Variants in EIF4E observed in about 807,000 individuals in gnomAD.
EIF4E encodes eukaryotic translation initiation factor 4E.
For synonymous variants in EIF4E, 71 were observed against 88.5 expected, an observed-to-expected ratio of 0.80 and a Z score of 1.11; for missense variants, 113 against 265.6, an observed-to-expected ratio of 0.43 and a Z score of 3.99.
chr4:98,927,037 T>G (rs1279370702), intron 1 of EIF4E, among the ~76,000 whole-genome samples: 1 of 152,152 alleles, frequency 6.6e-6, no homozygotes, highest in Non-Finnish European at 1.5e-5. Flanking sequence ...TTACTGACAC[T>G]AGTGTAGTGG....
intron 1 of EIF4E, among the ~76,000 whole-genome samples, chr4:98,911,325 G>T (rs1056388599): frequency 6.7e-6 from 1 of 149,610 alleles, no homozygotes; most frequent in Non-Finnish European, 1.5e-5. Context: ...TGGGATTACA[G>T]GTGTGAGCCA....
At chr4:98,904,323 TTCTC>T (rs143113463) in intron 1 of EIF4E, among the ~76,000 whole-genome samples, 7 of 151,826 alleles carry the variant, frequency 4.6e-5, no homozygotes, top group South Asian at 2.1e-4. Context: ...ACAATCCTCT[TTCTC>T]TCTCTCTCTC....
At chr4:98,886,567 T>C (rs753624590) in intron 5 of EIF4E, 8 of 405,468 alleles carry the variant, frequency 2.0e-5, no homozygotes, top group Non-Finnish European at 3.9e-5. Context: ...ATTAGAAAAT[T>C]AGCTGGGCAT....
intron 1 of EIF4E, among the ~76,000 whole-genome samples, chr4:98,911,151 G>GC (rs772524128): frequency 2.0e-5 from 3 of 151,702 alleles, no homozygotes; most frequent in Non-Finnish European, 4.4e-5. Context: ...CTGGGTTCAA[G>GC]CAGTTCTCTA....
At chr4:98,911,261 A>C (rs1371747105) in intron 1 of EIF4E, among the ~76,000 whole-genome samples, 2 of 148,902 alleles carry the variant, frequency 1.3e-5, no homozygotes, top group South Asian at 4.3e-4. Flanking sequence ...TCTTGGCCAG[A>C]CTGGTCTTGA....
Position 98,887,976 on chromosome 4 carries a change from A to T in EIF4E, c.222-24T>A. ...GACTAGGTAAAAGAAAATAACAATT[A>T]AAAACACAGAATATGTAATATAGAG... On this transcript the variant is annotated intron_variant, in intron 3 of 6. Transcript: ENST00000450253. The surrounding 1 kb of genome is among the most constrained non-coding windows in gnomAD (Gnocchi z 4.0). 1 of 1,582,774 alleles carries T rather than the reference A, an allele frequency of 6.3e-7. No homozygotes were observed. Among genetic ancestry groups the T allele is most frequent in the South Asian group, 1.1e-5 (1 of 89,976 alleles).
At chr4:98,919,048 C>A (rs1195988930) in intron 1 of EIF4E, among the ~76,000 whole-genome samples, 1 of 152,134 alleles carries the variant, frequency 6.6e-6, no homozygotes, top group Non-Finnish European at 1.5e-5. Flanking sequence ...GTGGCTCATG[C>A]CTGTAATCCC....
intron 2 of EIF4E, among the ~76,000 whole-genome samples, chr4:98,891,855 AAAT>A: frequency 6.6e-6 from 1 of 152,248 alleles, no homozygotes; most frequent in East Asian, 1.9e-4. Flanking sequence ...TTACAGTGGC[AAAT>A]AATGAGAGTT....
chr4:98,885,370 GAAT>G (rs1560633625), intron 5 of EIF4E, among the ~76,000 whole-genome samples: 1 of 152,136 alleles, frequency 6.6e-6, no homozygotes, highest in Non-Finnish European at 1.5e-5. Context: ...AATATTAATA[GAAT>G]AATAAAAATA....
chr4:98,886,851 G>T, intron 5 of EIF4E: 1 of 497,928 alleles, frequency 2.0e-6, no homozygotes, highest in Non-Finnish European at 3.7e-6. Context: ...TTACTGTGGT[G>T]AGAGTCAACT....
chr4:98,891,151 CA>C, intron 3 of EIF4E, 85 bp downstream of exon 3: 2 of 1,408,692 alleles, frequency 1.4e-6, no homozygotes, highest in South Asian at 1.2e-5. Flanking sequence ...GTTTAACTCA[CA>C]CTTCATTTTG....
chr4:98,891,392 T>C, intron 2 of EIF4E, 60 bp from the exon 3 acceptor site: 4 of 1,495,328 alleles, frequency 2.7e-6, no homozygotes, highest in Non-Finnish European at 3.7e-6. Flanking sequence ...AAAAGCAACA[T>C]TATTCACAAA....
Position 98,901,957 on chromosome 4 carries a change from G to A in EIF4E, c.44C>T (p.Pro15Leu), listed in dbSNP as rs757655058. ...EPETTPTPNP[P>L]TTEEEKTESN... is the part of the protein sequence containing the mutation. ...TTCCGTTTTCTCCTCTTCTGTAGTC[G>A]GGGGATTAGGAGTAGGGGTGGTTTC... Residue 15 changes from proline to leucine, a missense_variant, in exon 2 of 7, where the codon CCG becomes CTG. Transcript: ENST00000450253. 18 of 1,613,434 alleles carry A rather than the reference G, an allele frequency of 1.1e-5. No individual in the cohort carries two copies. In the East Asian group the frequency reaches 1.3e-4, roughly 12 times the overall value.
intron 1 of EIF4E, among the ~76,000 whole-genome samples, chr4:98,917,322 A>C (rs1662488252): frequency 6.6e-6 from 1 of 151,992 alleles, no homozygotes; most frequent in Non-Finnish European, 1.5e-5. Context: ...ATTCCCAAAG[A>C]CCACTCTCTT....
chr4:98,901,008 C>A (rs1179100524), intron 2 of EIF4E, among the ~76,000 whole-genome samples: 2 of 152,148 alleles, frequency 1.3e-5, no homozygotes, highest in Non-Finnish European at 2.9e-5. Flanking sequence ...TCTCTTTTTC[C>A]ATGTTTTATG....
Position 98,887,746 on chromosome 4 carries a change from A to G in EIF4E, c.285+143T>C. ...TAAACAAATAGAATAAGATATATTG[A>G]TACTAAAGCATACTACAGCCAATTA... is the stretch of plus-strand genomic sequence containing the variant. On this transcript the variant is annotated intron_variant, in intron 4 of 6. Coordinates refer to ENST00000450253, the MANE Select transcript of EIF4E (RefSeq NM_001968.5). The surrounding 1 kb of genome is among the most constrained non-coding windows in gnomAD (Gnocchi z 4.0). 4.3e-6 allele frequency: 3 copies of G among 701,362 alleles called. No homozygotes were observed. Among genetic ancestry groups the G allele is most frequent in the Non-Finnish European group, 7.4e-6 (3 of 404,404 alleles). 43.4% of individuals were successfully genotyped at this position (701,362 alleles called of 1,614,324 possible).
intron 3 of EIF4E, 108 bp downstream of exon 3, chr4:98,891,129 C>T: frequency 8.5e-7 from 1 of 1,175,392 alleles, no homozygotes; most frequent in Non-Finnish European, 1.2e-6. Flanking sequence ...AATAGATGAA[C>T]ATTCATTAAC....
intron 1 of EIF4E, among the ~76,000 whole-genome samples, chr4:98,920,711 C>T (rs1725609777): frequency 6.6e-6 from 1 of 152,094 alleles, no homozygotes; most frequent in Admixed American, 6.6e-5. Context: ...AGCTAAATAC[C>T]ATGATGTATA....
At chr4:98,915,841 C>T (rs1048433121) in intron 1 of EIF4E, among the ~76,000 whole-genome samples, 1 of 151,688 alleles carries the variant, frequency 6.6e-6, no homozygotes, top group Non-Finnish European at 1.5e-5. Context: ...TGCGCCTGGC[C>T]GTTATCTTTA....
Sources: allele counts gnomAD v4.1 joint callset (sites outside exome capture counted in the v4.1 genomes callset), GRCh38; gene constraint gnomAD v4.1.1; non-coding constraint Gnocchi (gnomAD v3.1); transcripts MANE v1.5; gene names NCBI Gene and HGNC (gene_info 2026-07-23, HGNC 2026-07-21).